The following TMCO4 variants were observed in gnomAD, a reference collection of about 807,000 sequenced individuals.
The protein encoded by TMCO4 is transmembrane and coiled-coil domain-containing protein 4.
A neutral mutation model predicts 64.7 loss-of-function variants in TMCO4; 58 were observed. The observed-to-expected ratio is 0.90, with a 90% CI of 0.73 to 1.12. The LOEUF is 1.12. TMCO4 is among the 50% of genes most tolerant of loss of function. The pLI is 0.00. For synonymous variants in TMCO4, 325 were observed against 346.1 expected (o/e 0.94, Z 0.68); for missense variants, 780 against 825.9 (o/e 0.94, Z 0.68).
At chr1:19,739,719 G>C in intron 12 of TMCO4, 105 bp downstream of exon 12, 1 of 1,499,374 alleles carries the variant, frequency 6.7e-7, no homozygotes, top group Non-Finnish European at 8.9e-7. Context: ...AAACCATTGA[G>C]TTATCTCCAA....
intron 13 of TMCO4, among the ~76,000 whole-genome samples, chr1:19,710,902 C>G (rs2095327929): frequency 6.6e-6 from 1 of 152,214 alleles, no homozygotes; most frequent in South Asian, 2.1e-4. Flanking sequence ...TTGGTAATCT[C>G]TAGCACATGT....
At chr1:19,731,579 C>T (rs771961573) in intron 13 of TMCO4, among the ~76,000 whole-genome samples, 24 of 152,224 alleles carry the variant, frequency 1.6e-4, no homozygotes, top group South Asian at 6.2e-4. Flanking sequence ...CGGAGAAGAG[C>T]CCTGTGGCCC....
rs563321577 is a variant in TMCO4, at chr1:19,685,471, T to C, written c.1501-2027A>G. 6.9e-4 allele frequency among the ~76,000 whole-genome samples: 105 copies of C among 152,334 alleles called. No individual in the cohort carries two copies. The Middle Eastern group carries it at 0.02, about 30-fold the overall frequency. ...ATCCCATTTTTGTGTTGGGATATGT[T>C]GGTGAGCAACAAGTAGGGGTGTGAT... is the stretch of plus-strand genomic sequence containing the variant. On this transcript the variant is annotated intron_variant, in intron 15 of 15. Coordinates refer to ENST00000294543, the MANE Select transcript of TMCO4 (RefSeq NM_181719.7).
At chr1:19,747,363 C>CCCAGCAT in intron 7 of TMCO4, 103 bp from the exon 8 acceptor site, 2 of 989,326 alleles carry the variant, frequency 2.0e-6, no homozygotes, top group Non-Finnish European at 1.6e-6. Flanking sequence ...TGGGTAGCTA[C>CCCAGCAT]TCTGCCACTC....
chr1:19,788,785 A>G (rs1029295957), intron 2 of TMCO4, among the ~76,000 whole-genome samples: 7 of 152,160 alleles, frequency 4.6e-5, no homozygotes, highest in Non-Finnish European at 7.4e-5. Flanking sequence ...TGTTTTTAAA[A>G]CATGTTTCGG....
intron 6 of TMCO4, 110 bp from the exon 7 acceptor site, chr1:19,755,876 C>A: frequency 8.2e-7 from 1 of 1,226,500 alleles, no homozygotes; most frequent in Non-Finnish European, 1.2e-6. Flanking sequence ...AATGTACAAC[C>A]CCATGGGAGC....
Position 19,745,525 on chromosome 1 carries a change from T to G in TMCO4, c.877+7A>C, listed in dbSNP as rs775731668. On this transcript the variant is annotated splice_region_variant and intron_variant, in intron 10 of 15. Transcript: ENST00000294543. ...CCCCCTCCACTTCTGGTCCTCCTGGTCCTCACGGTATTTGCCAGAAGCGAG... is the reference window on the plus strand; with the variant it reads ...CCCCCTCCACTTCTGGTCCTCCTGGGCCTCACGGTATTTGCCAGAAGCGAG... 3 of 1,613,918 alleles carry G rather than the reference T, an allele frequency of 1.9e-6. No homozygotes were observed. The highest frequency in any genetic ancestry group is 2.5e-6 in the Non-Finnish European group (3 of 1,179,986).
intron 11 of TMCO4, 58 bp from the exon 12 acceptor site, chr1:19,740,018 A>T: frequency 1.3e-6 from 2 of 1,542,862 alleles, no homozygotes; most frequent in Non-Finnish European, 1.8e-6. Context: ...CCTACTAGGG[A>T]AGTGACTGGC....
chr1:19,723,154 G>A (rs60476735), intron 13 of TMCO4, among the ~76,000 whole-genome samples: 1,869 of 152,274 alleles, frequency 0.012, 27 homozygotes, highest in African/African-American at 0.043. Context: ...TTCAGATTTT[G>A]GAATATTTGC....
intron 6 of TMCO4, among the ~76,000 whole-genome samples, chr1:19,769,158 T>C (rs1361072826): frequency 6.6e-6 from 1 of 152,114 alleles, no homozygotes; most frequent in Admixed American, 6.5e-5. Flanking sequence ...AGACAAACGC[T>C]AGGATTCCTG....
chr1:19,739,586 C>T (rs1395640817), intron 12 of TMCO4, among the ~76,000 whole-genome samples: 1 of 152,226 alleles, frequency 6.6e-6, no homozygotes, highest in Non-Finnish European at 1.5e-5. Context: ...CCTGCAGATG[C>T]CCTGTTATTC....
intron 6 of TMCO4, among the ~76,000 whole-genome samples, chr1:19,760,093 T>TTAAGGCC (rs1267849272): frequency 1.3e-5 from 2 of 152,100 alleles, no homozygotes; most frequent in African/African-American, 2.4e-5. Context: ...GATTAATGGG[T>TTAAGGCC]TAAGGCCTCT....
intron 13 of TMCO4, among the ~76,000 whole-genome samples, chr1:19,733,385 C>T (rs181143990): frequency 2.5e-4 from 38 of 152,326 alleles, no homozygotes; most frequent in African/African-American, 5.8e-4. Context: ...GGGACACACA[C>T]GGCTGAGCAG....
intron 15 of TMCO4, among the ~76,000 whole-genome samples, chr1:19,691,157 T>A (rs972624911): frequency 6.6e-6 from 1 of 152,098 alleles, no homozygotes; most frequent in Non-Finnish European, 1.5e-5. Flanking sequence ...CGTGAGTCAC[T>A]GCACCCGGCC....
chr1:19,752,552 T>C (rs904507665), intron 7 of TMCO4, among the ~76,000 whole-genome samples: 1 of 152,218 alleles, frequency 6.6e-6, no homozygotes, highest in African/African-American at 2.4e-5. Context: ...CTTCTGTTTT[T>C]AAATCACTTT....
chr1:19,774,190 G>A (rs1042592188), intron 4 of TMCO4, among the ~76,000 whole-genome samples: 2 of 152,286 alleles, frequency 1.3e-5, no homozygotes, highest in African/African-American at 2.4e-5. Context: ...TAAACCAAAC[G>A]TTACTTAGAA....
At chr1:19,796,345 G>A (rs79324407) in intron 2 of TMCO4, among the ~76,000 whole-genome samples, 2,131 of 152,184 alleles carry the variant, frequency 0.014, 44 homozygotes, top group African/African-American at 0.049. Flanking sequence ...GCGAATGTGG[G>A]GCCTGCCAAC....
chr1:19,761,032 C>A (rs530950397), intron 6 of TMCO4, among the ~76,000 whole-genome samples: 3 of 152,244 alleles, frequency 2.0e-5, no homozygotes, highest in Non-Finnish European at 4.4e-5. Flanking sequence ...AGATTCTGCA[C>A]TACACTCTCT....
At chr1:19,702,016 C>T (rs2095275574) in intron 13 of TMCO4, among the ~76,000 whole-genome samples, 1 of 152,106 alleles carries the variant, frequency 6.6e-6, no homozygotes, top group African/African-American at 2.4e-5. Flanking sequence ...GTAGCCCAGG[C>T]TGGAGTGCAG....
Sources: allele counts gnomAD v4.1 joint callset (sites outside exome capture counted in the v4.1 genomes callset), GRCh38; gene constraint gnomAD v4.1.1; transcripts MANE v1.5; gene names NCBI Gene and HGNC (gene_info 2026-07-23, HGNC 2026-07-21).